Variants in AKNA observed in about 807,000 individuals in gnomAD.
AKNA encodes the protein AT-hook transcription factor.
Under a neutral mutation model 138.8 loss-of-function variants are expected in AKNA, and 67 were observed. The ratio of observed to expected loss-of-function variants is 0.48; its 90% CI spans 0.40 to 0.59. The LOEUF (loss-of-function observed/expected upper bound fraction) is 0.59, where lower values mean the gene tolerates loss of function less well. Ranked by LOEUF, AKNA falls within the 20% of genes least tolerant of loss-of-function variation. AKNA has a pLI of 0.00. For synonymous variants in AKNA, 737 were observed against 754.4 expected (o/e 0.98, Z 0.38); for missense variants, 1,813 against 1,880.4 (o/e 0.96, Z 0.66).
chr9:114,383,816 G>A (rs1240815342), intron 1 of AKNA, among the ~76,000 whole-genome samples: 1 of 152,202 alleles, frequency 6.6e-6, no homozygotes, highest in African/African-American at 2.4e-5. Flanking sequence ...CTCAAGGGCT[G>A]GAGGAGGGAG....
At position 114,365,151 on chromosome 9, in the gene AKNA, G is replaced by C. The variant is rs115319414; in HGVS notation, c.1729-532C>G. 3.5e-3 allele frequency among the ~76,000 whole-genome samples: 526 copies of C among 151,534 alleles called. 8 individuals carry two copies. The highest frequency in any genetic ancestry group is 0.012 in the African/African-American group (494 of 40,790). On this transcript the variant is annotated intron_variant, in intron 6 of 21. Coordinates refer to ENST00000374088, the MANE Select transcript of AKNA (RefSeq NM_001317950.2). ...ATATACTATCTCTAGAGGAATTCAA[G>C]AAACTAAAATATGAATTGCTTCTGG...
chr9:114,346,037 G>A (rs1214037176), intron 17 of AKNA, 28 bp from the exon 18 acceptor site: 1 of 1,607,216 alleles, frequency 6.2e-7, no homozygotes, highest in Admixed American at 1.7e-5. Flanking sequence ...GGGCATCAGA[G>A]GGGGCAAGGG....
chr9:114,346,328 G>A (rs78319688), intron 17 of AKNA, among the ~76,000 whole-genome samples: 193 of 152,312 alleles, frequency 1.3e-3, no homozygotes, highest in African/African-American at 4.4e-3. Context: ...AGGGGAGCTC[G>A]CTGATCCCGG....
At chr9:114,347,429 A>G (rs1423911278) in intron 16 of AKNA, among the ~76,000 whole-genome samples, 4 of 152,292 alleles carry the variant, frequency 2.6e-5, no homozygotes, top group African/African-American at 4.8e-5. Context: ...CATGTTGGTC[A>G]GGCTGGTTTC....
In AKNA at chr9:114,377,540, G is replaced by A. The variant is rs753001847; in HGVS notation, c.275-8C>T. ...CATCCTCTGCTTCAGCCTCTGGAAA[G>A]ACAGGCCATTCACTTCTTAGCATAT... is the stretch of plus-strand genomic sequence containing the variant. On this transcript the variant is annotated splice_polypyrimidine_tract_variant and splice_region_variant and intron_variant, in intron 2 of 21. Transcript: ENST00000374088. The A allele has an allele frequency of 6.3e-7, 1 of 1,584,244 alleles. No homozygotes were observed. Among genetic ancestry groups the A allele is most frequent in the Non-Finnish European group, 8.6e-7 (1 of 1,165,118 alleles).
intron 4 of AKNA, among the ~76,000 whole-genome samples, chr9:114,371,285 C>T (rs558271415): frequency 6.6e-6 from 1 of 152,358 alleles, no homozygotes; most frequent in South Asian, 2.1e-4. Flanking sequence ...AGCTAGGCTG[C>T]CGAGTTCCAA....
In AKNA at chr9:114,381,336, G is replaced by C; in HGVS notation, c.-3C>G. ...ATCTCAGTCTCCGAGCTGGCCATTGGGGCTGGCCTGGGCTTCACCTGGGCC... is the reference window on the plus strand; with the variant it reads ...ATCTCAGTCTCCGAGCTGGCCATTGCGGCTGGCCTGGGCTTCACCTGGGCC... On this transcript the variant is annotated 5_prime_UTR_variant, in exon 2 of 22. Coordinates refer to ENST00000374088, the MANE Select transcript of AKNA (RefSeq NM_001317950.2). 6.4e-7 allele frequency: 1 copy of C among 1,561,992 alleles called. No individual in the cohort carries two copies. The highest frequency in any genetic ancestry group is 8.7e-7 in the Non-Finnish European group (1 of 1,153,956).
rs145443430 is a variant in AKNA, at chr9:114,337,256, G to A, written c.4118C>T (p.Pro1373Leu). 179 of 1,551,194 alleles carry A rather than the reference G, an allele frequency of 1.2e-4. No homozygotes were observed. In the African/African-American group the frequency reaches 2.0e-3, roughly 17 times the overall value. The change falls in exon 22 of 22, where the codon CCG (proline) becomes CTG (leucine). Residue 1373 changes from proline to leucine, a missense_variant. Coordinates refer to ENST00000374088, the MANE Select transcript of AKNA (RefSeq NM_001317950.2). ...PTSAQPAAKWPPTASPPPARR... is the reference protein window; with the variant it reads ...PTSAQPAAKWLPTASPPPARR... ...GGCTGGTGGGGGAGAGGCTGTGGGC[G>A]GCCACTTGGCAGCTGGTTGGGCTGA...
At chr9:114,341,403 C>T in intron 21 of AKNA, 130 bp downstream of exon 21, 1 of 1,144,998 alleles carries the variant, frequency 8.7e-7, no homozygotes, top group Non-Finnish European at 1.3e-6. Context: ...GCTCCTACTG[C>T]ATGTTATCCA....
At position 114,361,931 on chromosome 9, in the gene AKNA, C is replaced by T; in HGVS notation, c.1917-20G>A. On this transcript the variant is annotated intron_variant, in intron 8 of 21. Transcript: ENST00000374088. ...AGCTCCCTGGAATGCAGAAACATTA[C>T]CACCAGGAGCCCAAGATGGCAGCTA... is the stretch of plus-strand genomic sequence containing the variant. 1 of 1,598,798 alleles carries T rather than the reference C, an allele frequency of 6.3e-7. No individual in the cohort carries two copies. Among genetic ancestry groups the T allele is most frequent in the Non-Finnish European group, 8.5e-7 (1 of 1,179,344 alleles).
chr9:114,373,526 C>T (rs1351230933), intron 4 of AKNA, among the ~76,000 whole-genome samples: 1 of 152,064 alleles, frequency 6.6e-6, no homozygotes, highest in Non-Finnish European at 1.5e-5. Context: ...AGCAATGGAG[C>T]CAGGAGTCGA....
upstream of AKNA, chr9:114,388,042 G>C (rs951637245): frequency 2.2e-5 from 6 of 271,192 alleles, no homozygotes; most frequent in African/African-American, 4.4e-5. Context: ...CGCCCCTGCC[G>C]TGGTTGAGGC....
chr9:114,333,114 CAGG>C (rs537714275), downstream of AKNA: 846 of 1,582,778 alleles, frequency 5.3e-4, 10 homozygotes, highest in African/African-American at 0.01. Context: ...GGAGAGGAAA[CAGG>C]AGGAGGGGGA....
chr9:114,335,327 G>C lies in AKNA; in HGVS notation c.*1727C>G, dbSNP rs1829944379. 6.6e-6 allele frequency: 1 copy of C among 152,234 alleles called. No homozygotes were observed. Among genetic ancestry groups the C allele is most frequent in the African/African-American group, 2.4e-5 (1 of 41,438 alleles). 9.4% of individuals were successfully genotyped at this position (152,234 alleles called of 1,614,324 possible). A position where few individuals can be genotyped will look rare whatever the true frequency, so the allele number is the denominator to read the frequency against. ...ACCAGTTTGGGCAGATGGCCCATTG[G>C]AACCCCACTCTCCTCATCAGTAAAA... On this transcript the variant is annotated 3_prime_UTR_variant, in exon 22 of 22. Coordinates refer to ENST00000374088, the MANE Select transcript of AKNA (RefSeq NM_001317950.2).
upstream of AKNA, among the ~76,000 whole-genome samples, chr9:114,391,456 C>T (rs775564572): frequency 5.9e-5 from 9 of 152,242 alleles, no homozygotes; most frequent in Non-Finnish European, 1.0e-4. Context: ...GGGGAGAACA[C>T]GAGTATTATT....
chr9:114,386,739 G>A (rs972611525), intron 1 of AKNA, among the ~76,000 whole-genome samples: 2 of 152,122 alleles, frequency 1.3e-5, no homozygotes, highest in African/African-American at 4.8e-5. Context: ...CAGTTCCTGG[G>A]TGGGATGGAC....
intron 21 of AKNA, among the ~76,000 whole-genome samples, chr9:114,339,825 G>A (rs754665909): frequency 4.6e-5 from 7 of 152,172 alleles, no homozygotes; most frequent in Non-Finnish European, 8.8e-5. Context: ...TACCGGGCGC[G>A]GTGGCTACAC....
Position 114,380,981 on chromosome 9 carries a change from C to CAA in AKNA, c.274+77_274+78dup, listed in dbSNP as rs34055519. 4,589 of 1,102,990 alleles carry CAA rather than the reference C, an allele frequency of 4.2e-3. 4 individuals carry two copies. The highest frequency in any genetic ancestry group is 7.0e-3 in the African/African-American group (240 of 34,310). The allele number at this position is 1,102,990 out of a possible 1,614,324, so 68.3% of individuals were successfully genotyped here. A position where few individuals can be genotyped will look rare whatever the true frequency, so the allele number is the denominator to read the frequency against. Reference sequence around the variant, plus strand: ...CTGGCAATGAAGCAAGACTCTGTCTCAAAAAAAAAAAAAAAAAAAAGAACG... The same window carrying CAA: ...CTGGCAATGAAGCAAGACTCTGTCTCAAAAAAAAAAAAAAAAAAAAAAGAACG... On this transcript the variant is annotated intron_variant, in intron 2 of 21. Transcript: ENST00000374088.
intron 6 of AKNA, 126 bp from the exon 7 acceptor site, chr9:114,364,745 G>C: frequency 1.0e-6 from 1 of 970,758 alleles, no homozygotes. Context: ...TTTCTGCCAA[G>C]CATGGAGACG....
Sources: gnomAD v4.1 joint callset for allele counts (sites outside exome capture counted in the v4.1 genomes callset) on GRCh38, gnomAD v4.1.1 for gene constraint, MANE v1.5 for transcripts, NCBI Gene and HGNC (gene_info 2026-07-23, HGNC 2026-07-21) for gene names.